Variants in CLOCK observed in about 807,000 individuals in gnomAD.
The protein encoded by CLOCK is circadian locomoter output cycles protein kaput.
Under a neutral mutation model 118.4 loss-of-function variants are expected in CLOCK, and 43 were observed. That is an observed-to-expected ratio of 0.36 (90% CI 0.28 to 0.47). The LOEUF (loss-of-function observed/expected upper bound fraction) is 0.47, where lower values mean the gene tolerates loss of function less well. Ranked by LOEUF, CLOCK falls within the 20% of genes least tolerant of loss-of-function variation. The pLI is 1.00. For synonymous variants in CLOCK, 326 were observed against 339.2 expected, an observed-to-expected ratio of 0.96 and a Z score of 0.43; for missense variants, 846 against 999.9, an observed-to-expected ratio of 0.85 and a Z score of 2.08.
intron 8 of CLOCK, among the ~76,000 whole-genome samples, chr4:55,464,957 T>C (rs182104385): frequency 4.6e-5 from 7 of 152,342 alleles, no homozygotes. Flanking sequence ...CCCCCCTCTC[T>C]ACATATCTGT....
rs550491911 is a variant in CLOCK at position 55,452,761 on chromosome 4, G to A, written c.1206+293C>T. 7.0e-5 allele frequency: 15 copies of A among 215,262 alleles called. No homozygotes were observed. In the South Asian group the frequency reaches 1.3e-3, roughly 18 times the overall value. The allele number at this position is 215,262 out of a possible 1,614,324, so 13.3% of individuals were successfully genotyped here. ...TATTACCTACCCGATAAAAATATCT[G>A]ATGTGTAAATTATATTTCATAATTC... is the stretch of plus-strand genomic sequence containing the variant. On this transcript the variant is annotated intron_variant, in intron 15 of 22. Coordinates refer to ENST00000513440, the MANE Select transcript of CLOCK (RefSeq NM_004898.4).
Position 55,459,195 on chromosome 4 carries a change from G to C in CLOCK, c.626C>G (p.Thr209Ser), listed in dbSNP as rs1320014566. The change falls in exon 10 of 23, where the codon ACC (threonine) becomes AGC (serine). Residue 209 changes from threonine to serine, a missense_variant. Thr to Ser is a moderately conservative substitution (Grantham distance 58). Transcript: ENST00000513440. ...RGTIDPKEPSTYEYVKFIGNF... is the reference protein window; with the variant it reads ...RGTIDPKEPSSYEYVKFIGNF... Reference sequence around the variant, plus strand: ...TCCTATAAATTTTACATATTCATAGGTAGATGGCTCCTTTGGGTCTATTGT... The same window carrying C: ...TCCTATAAATTTTACATATTCATAGCTAGATGGCTCCTTTGGGTCTATTGT... 3 of 1,611,272 alleles carry C rather than the reference G, an allele frequency of 1.9e-6. No individual in the cohort carries two copies. In the South Asian group the frequency reaches 3.3e-5, roughly 18 times the overall value.
chr4:55,522,938 G>T (rs1381211125), intron 1 of CLOCK, among the ~76,000 whole-genome samples: 2 of 152,166 alleles, frequency 1.3e-5, no homozygotes, highest in African/African-American at 4.8e-5. Context: ...GCCAGAGACA[G>T]GCCAGGTTGA....
chr4:55,531,502 C>G (rs907099032), intron 1 of CLOCK, among the ~76,000 whole-genome samples: 2 of 151,614 alleles, frequency 1.3e-5, no homozygotes, highest in African/African-American at 2.4e-5. Flanking sequence ...GTCAAGAGAT[C>G]GAGACCATCC....
At chr4:55,475,424 A>T (rs1277716129) in intron 7 of CLOCK, among the ~76,000 whole-genome samples, 1 of 152,224 alleles carries the variant, frequency 6.6e-6, no homozygotes, top group Non-Finnish European at 1.5e-5. Context: ...AATATTACAT[A>T]AATTTAGTTG....
At position 55,476,064 on chromosome 4, in the gene CLOCK, G is replaced by T; in HGVS notation, c.257-10C>A. The T allele has an allele frequency of 6.3e-7, 1 of 1,597,424 alleles. No individual in the cohort carries two copies. The highest frequency in any genetic ancestry group is 8.6e-7 in the Non-Finnish European group (1 of 1,165,474). ...GACTGTGCAGTGATTTCTGTAAACA[G>T]ATTGACATATTAGTGGCATACTCCA... On this transcript the variant is annotated splice_polypyrimidine_tract_variant and intron_variant, in intron 6 of 22. Transcript: ENST00000513440.
At chr4:55,504,393 T>C (rs1328311422) in intron 2 of CLOCK, among the ~76,000 whole-genome samples, 1 of 151,924 alleles carries the variant, frequency 6.6e-6, no homozygotes, top group Admixed American at 6.6e-5. Flanking sequence ...ACAATAAGGT[T>C]GTCATAAGAA....
At chr4:55,494,602 A>C (rs111606740) in intron 2 of CLOCK, among the ~76,000 whole-genome samples, 1 of 152,136 alleles carries the variant, frequency 6.6e-6, no homozygotes, top group South Asian at 2.1e-4. Context: ...GGGATAAAAG[A>C]CCATACATTG....
intron 1 of CLOCK, among the ~76,000 whole-genome samples, chr4:55,543,178 G>C (rs1364638501): frequency 6.6e-6 from 1 of 152,144 alleles, no homozygotes; most frequent in African/African-American, 2.4e-5. Flanking sequence ...TCGGCCGCTC[G>C]AAGTTTACAG....
intron 1 of CLOCK, among the ~76,000 whole-genome samples, chr4:55,542,465 G>T (rs1731345050): frequency 6.7e-6 from 1 of 148,716 alleles, no homozygotes; most frequent in African/African-American, 2.5e-5. Flanking sequence ...CAATTATACT[G>T]CATCTTTCTA....
At chr4:55,527,244 G>GA (rs1459996657) in intron 1 of CLOCK, among the ~76,000 whole-genome samples, 1 of 152,114 alleles carries the variant, frequency 6.6e-6, no homozygotes, top group Non-Finnish European at 1.5e-5. Context: ...AGTATTAGAA[G>GA]AGGGTAAGGA....
intron 1 of CLOCK, among the ~76,000 whole-genome samples, chr4:55,538,360 A>G (rs1450772866): frequency 6.6e-6 from 1 of 152,182 alleles, no homozygotes; most frequent in Non-Finnish European, 1.5e-5. Flanking sequence ...AAATAACTAT[A>G]ATTAGTATGT....
At chr4:55,438,194 C>T (rs967786701) in intron 22 of CLOCK, 88 bp downstream of exon 22, 6 of 1,464,960 alleles carry the variant, frequency 4.1e-6, no homozygotes, top group Non-Finnish European at 5.7e-6. Context: ...GAATTTTTCA[C>T]ATCACTCACA....
At chr4:55,495,011 T>C (rs1727961948) in intron 2 of CLOCK, among the ~76,000 whole-genome samples, 1 of 152,168 alleles carries the variant, frequency 6.6e-6, no homozygotes, top group Non-Finnish European at 1.5e-5. Context: ...CCGGTTTCTC[T>C]CGATAAACCT....
intron 1 of CLOCK, among the ~76,000 whole-genome samples, chr4:55,531,478 G>T (rs1693476404): frequency 6.6e-6 from 1 of 151,868 alleles, no homozygotes; most frequent in Admixed American, 6.6e-5. Flanking sequence ...AGGCCGAGAA[G>T]GGTGGATCAC....
intron 7 of CLOCK, among the ~76,000 whole-genome samples, chr4:55,472,939 G>C (rs1726248551): frequency 6.6e-6 from 1 of 152,100 alleles, no homozygotes; most frequent in South Asian, 2.1e-4. Context: ...AGGGTCAAAA[G>C]TAGACAACTG....
chr4:55,519,986 A>AG (rs1018055361), intron 1 of CLOCK, among the ~76,000 whole-genome samples: 1 of 152,096 alleles, frequency 6.6e-6, no homozygotes, highest in African/African-American at 2.4e-5. Context: ...TTTCCCTATT[A>AG]GGGCCCTGAC....
At chr4:55,495,862 C>T (rs754726606) in intron 2 of CLOCK, among the ~76,000 whole-genome samples, 1 of 149,182 alleles carries the variant, frequency 6.7e-6, no homozygotes, top group Non-Finnish European at 1.5e-5. Flanking sequence ...CCACCTGATG[C>T]AAAAAGACAA....
At chr4:55,485,714 C>T (rs1165476698) in intron 3 of CLOCK, among the ~76,000 whole-genome samples, 1 of 152,118 alleles carries the variant, frequency 6.6e-6, no homozygotes, top group Non-Finnish European at 1.5e-5. Flanking sequence ...ATCCAAAATT[C>T]ACCAGTTTTA....
Sources: allele counts gnomAD v4.1 joint callset (sites outside exome capture counted in the v4.1 genomes callset), GRCh38; gene constraint gnomAD v4.1.1; transcripts MANE v1.5; gene names NCBI Gene and HGNC (gene_info 2026-07-23, HGNC 2026-07-21).